Variants in FA2H observed in about 807,000 individuals in gnomAD.
FA2H encodes fatty acid alpha-hydroxylase.
FA2H carries 22 observed loss-of-function variants against 44.9 expected under a neutral mutation model. The ratio of observed to expected loss-of-function variants is 0.49; its 90% confidence interval spans 0.35 to 0.70. The LOEUF is 0.70. FA2H is among the 30% of genes least tolerant of loss of function. FA2H has a pLI of 0.01. For synonymous variants in FA2H, 243 were observed against 213.2 expected, an observed-to-expected ratio of 1.14 and a Z score of -1.22; for missense variants, 501 against 504.9, an observed-to-expected ratio of 0.99 and a Z score of 0.07.
intron 1 of FA2H, among the ~76,000 whole-genome samples, chr16:74,765,811 C>A (rs753323831): frequency 3.3e-5 from 5 of 152,280 alleles, no homozygotes; most frequent in Non-Finnish European, 5.9e-5. Context: ...GCCTTGGCCT[C>A]CCAAAGTGCT....
chr16:74,735,070 T>C (rs986845996), intron 2 of FA2H, among the ~76,000 whole-genome samples: 1 of 152,066 alleles, frequency 6.6e-6, no homozygotes, highest in Non-Finnish European at 1.5e-5. Context: ...ATTCTGGGAG[T>C]TGGGGCCGAT....
rs146731369 is a variant in FA2H, at chr16:74,715,958, G to A, written c.1039+389C>T. ...AGCCTCCCAAGTAGCTGAGATTATA[G>A]GTGGGCACAACCACACCCCGCTAAT... On this transcript the variant is annotated intron_variant, in intron 6 of 6. Transcript: ENST00000219368. Among the ~76,000 whole-genome samples, 10 of 152,082 alleles carry A rather than the reference G, an allele frequency of 6.6e-5. No individual in the cohort carries two copies. In the East Asian group the frequency reaches 1.9e-3, roughly 29 times the overall value.
rs1012042641 is a variant in FA2H at position 74,774,660 on chromosome 16, G to A, written c.96C>T (p.Arg32=). ...AGACWVRRGA[R]LYDLSSFVRH... is the part of the protein sequence containing the mutation. ...GCACGAAGCTGGAGAGGTCGTAGAG[G>A]CGGGCCCCGCGGCGGACCCAGCACG... The change falls in exon 1 of 7, where the codon CGC becomes CGT. Residue 32 remains arginine, a synonymous_variant. Coordinates refer to ENST00000219368, the MANE Select transcript of FA2H (RefSeq NM_024306.5). The A allele has an allele frequency of 6.3e-6, 9 of 1,438,388 alleles. No homozygotes were observed. The African/African-American group carries it at 1.2e-4, about 19-fold the overall frequency. The allele number at this position is 1,438,388 out of a possible 1,614,324, so 89.1% of individuals were successfully genotyped here.
chr16:74,741,773 A>AATATATATATATATATATATAT (rs57773726), intron 1 of FA2H, among the ~76,000 whole-genome samples: 1 of 48,054 alleles, frequency 2.1e-5, no homozygotes, highest in Non-Finnish European at 3.6e-5. Flanking sequence ...CACCTGATTA[A>AATATATATATATATATATATAT]ATATATATAT....
At chr16:74,741,808 A>ATATATATATATATATATATATGTGTGTG (rs1491185782) in intron 1 of FA2H, among the ~76,000 whole-genome samples, 2 of 48,418 alleles carry the variant, frequency 4.1e-5, no homozygotes, top group African/African-American at 1.1e-4. Flanking sequence ...ATATATATAT[A>ATATATATATATATATATATATGTGTGTG]TGTGTGTGTG....
intron 2 of FA2H, 71 bp downstream of exon 2, chr16:74,739,952 C>T (rs1962258417): frequency 8.3e-7 from 1 of 1,202,182 alleles, no homozygotes; most frequent in Non-Finnish European, 1.2e-6. Context: ...GCTTTGGCTC[C>T]ACACACCCTC....
chr16:74,733,075 G>A (rs370750566), intron 2 of FA2H, among the ~76,000 whole-genome samples: 4 of 152,336 alleles, frequency 2.6e-5, no homozygotes, highest in Non-Finnish European at 4.4e-5. Flanking sequence ...GTCTGGGGCC[G>A]TGGAGGGCCT....
At chr16:74,758,281 C>T (rs1404447325) in intron 1 of FA2H, among the ~76,000 whole-genome samples, 4 of 151,638 alleles carry the variant, frequency 2.6e-5, no homozygotes, top group Non-Finnish European at 4.4e-5. Flanking sequence ...CCACCACACC[C>T]GGCTAATTTT....
intron 6 of FA2H, among the ~76,000 whole-genome samples, chr16:74,715,855 G>A (rs7190389): frequency 0.11 from 15,312 of 140,104 alleles, 1,894 homozygotes; most frequent in African/African-American, 0.32. Context: ...TTGCTCTGTT[G>A]CCCAGGCTGG....
chr16:74,740,891 T>G (rs960511523), intron 1 of FA2H, among the ~76,000 whole-genome samples: 7 of 152,034 alleles, frequency 4.6e-5, no homozygotes, highest in Non-Finnish European at 1.0e-4. Flanking sequence ...TCACAGGCTG[T>G]GGCTTCTAGG....
chr16:74,715,800 TTTCTTC>T (rs754616483), intron 6 of FA2H, among the ~76,000 whole-genome samples: 2 of 150,758 alleles, frequency 1.3e-5, no homozygotes, highest in Non-Finnish European at 3.0e-5. Context: ...CTTGCTTTAC[TTTCTTC>T]TTCTTCTTCT....
intron 4 of FA2H, among the ~76,000 whole-genome samples, chr16:74,722,264 G>T (rs1255784700): frequency 6.6e-6 from 1 of 152,212 alleles, no homozygotes; most frequent in African/African-American, 2.4e-5. Context: ...GGCTGAACAT[G>T]GGGGCTCATG....
chr16:74,748,079 G>T (rs984927230), intron 1 of FA2H, among the ~76,000 whole-genome samples: 1 of 152,126 alleles, frequency 6.6e-6, no homozygotes, highest in Admixed American at 6.5e-5. Context: ...AGGCCACACA[G>T]ATGGCCCCGG....
At chr16:74,729,903 G>A (rs572510607) in intron 2 of FA2H, among the ~76,000 whole-genome samples, 1 of 152,248 alleles carries the variant, frequency 6.6e-6, no homozygotes, top group African/African-American at 2.4e-5. Context: ...AGCCACTGCA[G>A]GTGGGAAGTA....
At chr16:74,731,627 C>G (rs762507100) in intron 2 of FA2H, among the ~76,000 whole-genome samples, 1 of 151,810 alleles carries the variant, frequency 6.6e-6, no homozygotes, top group East Asian at 1.9e-4. Context: ...ATCAAATAAT[C>G]CTCCCGCCTC....
At chr16:74,760,790 G>A (rs1962693447) in intron 1 of FA2H, among the ~76,000 whole-genome samples, 1 of 152,220 alleles carries the variant, frequency 6.6e-6, no homozygotes, top group Non-Finnish European at 1.5e-5. Context: ...AGATCTGAAA[G>A]AAATGTATTT....
intron 1 of FA2H, among the ~76,000 whole-genome samples, chr16:74,754,455 C>T (rs958752242): frequency 6.6e-6 from 1 of 152,160 alleles, no homozygotes; most frequent in Non-Finnish European, 1.5e-5. Flanking sequence ...TAGTGTTCCT[C>T]CTCCAATTCC....
chr16:74,714,272 AG>A lies in FA2H; in HGVS notation c.1040-4del, dbSNP rs1567631474. On this transcript the variant is annotated splice_region_variant and splice_polypyrimidine_tract_variant and intron_variant, in intron 6 of 6. Coordinates refer to ENST00000219368, the MANE Select transcript of FA2H (RefSeq NM_024306.5). ...CAATTTAGTGCTGATACCAAATCCT[AG>A]AGAGGGAGACAAACGGGGAGAAGAT... 2 of 1,548,262 alleles carry A rather than the reference AG, an allele frequency of 1.3e-6. No homozygotes were observed. Among genetic ancestry groups the A allele is most frequent in the Admixed American group, 1.9e-5 (1 of 51,634 alleles).
chr16:74,745,487 T>C (rs1962400917), intron 1 of FA2H, among the ~76,000 whole-genome samples: 1 of 152,174 alleles, frequency 6.6e-6, no homozygotes, highest in African/African-American at 2.4e-5. Flanking sequence ...ATAGCCCACG[T>C]CTACTTGGAG....
Sources: allele counts gnomAD v4.1 joint callset (sites outside exome capture counted in the v4.1 genomes callset), GRCh38; gene constraint gnomAD v4.1.1; transcripts MANE v1.5; gene names NCBI Gene and HGNC (gene_info 2026-07-23, HGNC 2026-07-21).